Variants in TEX11 observed in about 807,000 individuals in gnomAD.
TEX11 encodes testis-expressed protein 11.
A neutral mutation model predicts 84.4 loss-of-function variants in TEX11; 7 were observed. The observed-to-expected ratio is 0.08, with a 90% CI of 0.05 to 0.16. The LOEUF (loss-of-function observed/expected upper bound fraction) is 0.16. TEX11 is among the 10% of genes least tolerant of loss of function. The probability of loss-of-function intolerance (pLI) is 1.00; values close to 1 mark genes in which losing one functional copy is unlikely to be tolerated. For missense variants in TEX11, 551 were observed against 660.5 expected (o/e 0.83, Z 1.82); for synonymous variants, 264 against 222.8 (o/e 1.18, Z -1.64).
chrX:70,848,577 G>T (rs1259697038), intron 7 of TEX11, among the ~76,000 whole-genome samples: 2 of 111,326 alleles, frequency 1.8e-5, no homozygotes, highest in Non-Finnish European at 3.8e-5. Context: ...AGGATGGGGG[G>T]TGCAAAAAGA....
In TEX11 at chrX:70,754,475, T is replaced by C. The variant is rs183760220; in HGVS notation, c.693-10256A>G. 5.5e-3 allele frequency among the ~76,000 whole-genome samples: 616 copies of C among 111,644 alleles called. 2 individuals are homozygous for C. The highest frequency in any genetic ancestry group is 0.018 in the African/African-American group (565 of 30,760). The stretch of plus-strand genomic sequence containing the variant: ...AAATATCTAAGGTTTCTGACTCTAG[T>C]CCCTGGCTCCCAAATGGCACTTCTG... On this transcript the variant is annotated intron_variant, in intron 9 of 29. Coordinates refer to ENST00000374333, the MANE Select transcript of TEX11 (RefSeq NM_031276.3).
rs2088175305 is a variant in TEX11, at chrX:70,548,929, G to A, written c.2520+3197C>T. Among the ~76,000 whole-genome samples the A allele has an allele frequency of 2.7e-5, 3 of 111,359 alleles. No individual in the cohort carries two copies. In the Admixed American group the frequency reaches 2.9e-4, roughly 11 times the overall value. ...TGCGACCTAGTGAGACACCAGCCAG[G>A]GCAGCCAAGGGAGTGATTGCACGAC... On this transcript the variant is annotated intron_variant, in intron 28 of 29. Coordinates refer to ENST00000374333, the MANE Select transcript of TEX11 (RefSeq NM_031276.3).
Position 70,676,329 on chromosome X carries a change from A to T in TEX11, c.1242+2475T>A, listed in dbSNP as rs181604382. ...AGTGGCTACACTATTTTACATTTGT[A>T]CCAACTACTTTCATTTTAAACAATA... is the stretch of plus-strand genomic sequence containing the variant. On this transcript the variant is annotated intron_variant, in intron 15 of 29. Coordinates refer to ENST00000374333, the MANE Select transcript of TEX11 (RefSeq NM_031276.3). Among the ~76,000 whole-genome samples the T allele has an allele frequency of 6.2e-3, 699 of 112,570 alleles. 2 individuals carry two copies. The highest frequency in any genetic ancestry group is 0.022 in the African/African-American group (675 of 31,019).
intron 15 of TEX11, among the ~76,000 whole-genome samples, chrX:70,673,690 G>C (rs981726734): frequency 1.2e-4 from 13 of 109,810 alleles, no homozygotes; most frequent in Non-Finnish European, 2.3e-4. Flanking sequence ...TTTTTCCATT[G>C]AATTACTTTT....
intron 15 of TEX11, among the ~76,000 whole-genome samples, chrX:70,670,760 G>C (rs2090015205): frequency 1.8e-5 from 2 of 111,658 alleles, no homozygotes; most frequent in African/African-American, 6.5e-5. Context: ...AGGATGAAGA[G>C]TCTAAGAGTG....
At chrX:70,815,457 C>T (rs2091281010) in intron 8 of TEX11, among the ~76,000 whole-genome samples, 1 of 110,386 alleles carries the variant, frequency 9.1e-6, no homozygotes, top group African/African-American at 3.3e-5. Flanking sequence ...TTCGGTTACC[C>T]AAGGAAAGAA....
At chrX:70,850,391 CT>C (rs35905373) in intron 7 of TEX11, among the ~76,000 whole-genome samples, 1 of 110,801 alleles carries the variant, frequency 9.0e-6, no homozygotes, top group Non-Finnish European at 1.9e-5. Flanking sequence ...ACTGTGCTAG[CT>C]TTTTTTGCAG....
chrX:70,784,604 T>C (rs7058036), intron 9 of TEX11, among the ~76,000 whole-genome samples: 27,912 of 110,875 alleles, frequency 0.25, 4,239 homozygotes, highest in African/African-American at 0.53. Flanking sequence ...CCAAAATCTC[T>C]TTAAGCTGAT....
chrX:70,594,040 G>A, intron 24 of TEX11, among the ~76,000 whole-genome samples: 1 of 111,164 alleles, frequency 9.0e-6, no homozygotes, highest in Non-Finnish European at 1.9e-5. Context: ...AACTCTAGGT[G>A]GGATCAAGAA....
At chrX:70,600,134 C>A (rs1383487642) in intron 24 of TEX11, among the ~76,000 whole-genome samples, 2 of 111,351 alleles carry the variant, frequency 1.8e-5, no homozygotes, top group East Asian at 5.6e-4. Flanking sequence ...ACAGTCCAAC[C>A]AACAGTGTAA....
At chrX:70,589,119 A>C (rs2147493841) in intron 25 of TEX11, among the ~76,000 whole-genome samples, 1 of 110,760 alleles carries the variant, frequency 9.0e-6, no homozygotes, top group South Asian at 3.8e-4. Context: ...ACAACTGTAC[A>C]CTTAAAAATG....
intron 25 of TEX11, among the ~76,000 whole-genome samples, chrX:70,570,890 T>C (rs781318408): frequency 8.9e-6 from 1 of 112,165 alleles, no homozygotes; most frequent in Non-Finnish European, 1.9e-5. Context: ...TTTGTAGTGA[T>C]GCCCACTTTT....
At chrX:70,744,253 T>C in intron 9 of TEX11, 34 bp from the exon 10 acceptor site, 1 of 561,632 alleles carries the variant, frequency 1.8e-6, no homozygotes. Context: ...TATATATATA[T>C]ATATAAACAT....
At chrX:70,513,213 C>T in the TEX11 span, among the ~76,000 whole-genome samples, 2 of 105,964 alleles carry the variant, frequency 1.9e-5, no homozygotes, top group Non-Finnish European at 3.9e-5. Flanking sequence ...ATTAGCCAGG[C>T]GTGGTGGGGG....
At chrX:70,839,833 G>A (rs895694144) in intron 7 of TEX11, among the ~76,000 whole-genome samples, 3 of 111,983 alleles carry the variant, frequency 2.7e-5, no homozygotes, top group Admixed American at 9.5e-5. Flanking sequence ...CGAGAGCTAC[G>A]TGATGAACGC....
At chrX:70,516,599 T>C in the TEX11 span, among the ~76,000 whole-genome samples, 7 of 111,889 alleles carry the variant, frequency 6.3e-5, no homozygotes, top group Non-Finnish European at 1.3e-4. Flanking sequence ...GTCTTAGCAA[T>C]GCGGGCTCTT....
chrX:70,901,312 A>T (rs1402110059), intron 2 of TEX11, among the ~76,000 whole-genome samples: 1 of 111,863 alleles, frequency 8.9e-6, no homozygotes, highest in African/African-American at 3.2e-5. Context: ...TTATTATCTA[A>T]AGAGAAAAAT....
intron 9 of TEX11, among the ~76,000 whole-genome samples, chrX:70,757,296 G>A (rs1162082654): frequency 5.4e-5 from 6 of 111,044 alleles, no homozygotes; most frequent in African/African-American, 1.6e-4. Context: ...GTTGAGAAGA[G>A]CAACCCCAAG....
At chrX:70,665,331 G>T (rs1048045889) in intron 16 of TEX11, among the ~76,000 whole-genome samples, 3 of 111,252 alleles carry the variant, frequency 2.7e-5, no homozygotes, top group African/African-American at 6.5e-5. Flanking sequence ...TTATATCAAG[G>T]TGTGATAAAC....
Sources: gnomAD v4.1 joint callset for allele counts (sites outside exome capture counted in the v4.1 genomes callset) on GRCh38, gnomAD v4.1.1 for gene constraint, MANE v1.5 for transcripts, NCBI Gene and HGNC (gene_info 2026-07-23, HGNC 2026-07-21) for gene names.